The following EXOSC3 variants were observed in gnomAD, a reference collection of about 807,000 sequenced individuals.
The protein encoded by EXOSC3 is exosome component 3, also known as exosome complex component RRP40.
In EXOSC3, 18 loss-of-function variants were observed where a neutral mutation model predicts 25.1. The ratio of observed to expected loss-of-function variants is 0.72; its 90% CI spans 0.50 to 1.06. EXOSC3 has a LOEUF of 1.06. Ranked by LOEUF, EXOSC3 falls within the 50% of genes least tolerant of loss-of-function variation. EXOSC3 has a pLI of 0.00. For missense variants in EXOSC3, 382 were observed against 350.9 expected, an observed-to-expected ratio of 1.09 and a Z score of -0.71; for synonymous variants, 165 against 132.2, an observed-to-expected ratio of 1.25 and a Z score of -1.70.
At position 37,784,903 on chromosome 9, in the gene EXOSC3, C is replaced by T. The variant is rs1201798021; in HGVS notation, c.142G>A (p.Ala48Thr). The change falls in exon 1 of 4, where the codon GCA (alanine) becomes ACA (threonine). Residue 48 changes from alanine (A) to threonine (T), a missense_variant. Coordinates refer to ENST00000327304, the MANE Select transcript of EXOSC3 (RefSeq NM_016042.4). ...EQEDAEGPGG[A>T]VERPLSLNAR... ...TTCAGGCTCAACGGTCGCTCCACTG[C>T]ACCCCCAGGGCCTTCCGCGTCCTCC... is the stretch of plus-strand genomic sequence containing the variant. 1.9e-6 allele frequency: 3 copies of T among 1,607,378 alleles called. No homozygotes were observed. The highest frequency in any genetic ancestry group is 2.2e-5 in the East Asian group (1 of 44,446).
chr9:37,782,578 G>A lies in EXOSC3; in HGVS notation c.475-441C>T, dbSNP rs114951310. On this transcript the variant is annotated intron_variant, in intron 2 of 3. Coordinates refer to ENST00000327304, the MANE Select transcript of EXOSC3 (RefSeq NM_016042.4). ...TTATATTAGGTCGCACTACCCTAGAGAATTACAGATTTACAGAGAAAGGAA... is the reference window on the plus strand; with the variant it reads ...TTATATTAGGTCGCACTACCCTAGAAAATTACAGATTTACAGAGAAAGGAA... Among the ~76,000 whole-genome samples the A allele has an allele frequency of 6.4e-3, 969 of 152,252 alleles. 11 individuals are homozygous for A. Among genetic ancestry groups the A allele is most frequent in the African/African-American group, 0.022 (926 of 41,542 alleles).
chr9:37,781,512 T>C (rs2118976926), intron 3 of EXOSC3, among the ~76,000 whole-genome samples: 1 of 151,910 alleles, frequency 6.6e-6, no homozygotes, highest in Admixed American at 6.6e-5. Context: ...TGAACCTCAG[T>C]ATGCCTCAGT....
chr9:37,785,051 C>T lies in EXOSC3; in HGVS notation c.-7G>A. ...CAGACGCAGGTTCGGCCATCGCGGG[C>T]TCCACCAAACACCGTTTCCGGTACC... On this transcript the variant is annotated 5_prime_UTR_variant, in exon 1 of 4. Transcript: ENST00000327304. 6.3e-7 allele frequency: 1 copy of T among 1,590,914 alleles called. No homozygotes were observed.
At chr9:37,784,306 A>G (rs1589061049) in intron 1 of EXOSC3, 7 of 507,858 alleles carry the variant, frequency 1.4e-5, no homozygotes, top group Admixed American at 7.5e-5. Context: ...GCTTTGTGGC[A>G]TAAGTCCAGT....
At chr9:37,781,785 G>T in intron 3 of EXOSC3, 1 of 597,652 alleles carries the variant, frequency 1.7e-6, no homozygotes, top group Non-Finnish European at 2.9e-6. Flanking sequence ...AAACTACACA[G>T]CCAAACACAT....
chr9:37,781,336 C>A (rs896548736), intron 3 of EXOSC3, among the ~76,000 whole-genome samples: 1 of 150,856 alleles, frequency 6.6e-6, no homozygotes, highest in Non-Finnish European at 1.5e-5. Context: ...TAAAAACATG[C>A]TTCTCTGATG....
rs1564012557 is a variant in EXOSC3, at chr9:37,779,982, G to C, written c.*697C>G. ...ATTTGGATTCAGAAATCCTCATAGT[G>C]TTATTTATATAATGATAAAACTCAA... is the stretch of plus-strand genomic sequence containing the variant. On this transcript the variant is annotated 3_prime_UTR_variant, in exon 4 of 4. Coordinates refer to ENST00000327304, the MANE Select transcript of EXOSC3 (RefSeq NM_016042.4). The C allele has an allele frequency of 2.0e-5, 3 of 152,142 alleles. No homozygotes were observed. The highest frequency in any genetic ancestry group is 2.0e-4 in the Admixed American group (3 of 15,264). The allele number at this position is 152,142 out of a possible 1,614,324, so 9.4% of individuals were successfully genotyped here.
Position 37,784,245 on chromosome 9 carries a change from A to G in EXOSC3, c.325-182T>C, listed in dbSNP as rs1043248532. On this transcript the variant is annotated intron_variant, in intron 1 of 3. Transcript: ENST00000327304. ...GTGTGCAGCTTCTGGTAGTCTGTTA[A>G]TTGAGTCCAAACTCCATTATCTCTT... 4.9e-6 allele frequency: 3 copies of G among 610,466 alleles called. No homozygotes were observed. In the African/African-American group the frequency reaches 5.6e-5, roughly 11 times the overall value. The allele number at this position is 610,466 out of a possible 1,614,324, so 37.8% of individuals were successfully genotyped here. A position where few individuals can be genotyped will look rare whatever the true frequency, so the allele number is the denominator to read the frequency against.
At chr9:37,781,354 T>G (rs1159727045) in intron 3 of EXOSC3, among the ~76,000 whole-genome samples, 1 of 150,614 alleles carries the variant, frequency 6.6e-6, no homozygotes, top group Non-Finnish European at 1.5e-5. Context: ...ATGTCCAAAC[T>G]TAATTCTCCA....
rs752749069 is a variant in EXOSC3 at position 37,785,039 on chromosome 9, G to C, written c.6C>G (p.Ala2=). The change falls in exon 1 of 4, where the codon GCC becomes GCG. Residue 2 remains alanine, a synonymous_variant. Transcript: ENST00000327304. ...ATTCAGCCGCGACAGACGCAGGTTC[G>C]GCCATCGCGGGCTCCACCAAACACC... M[A]EPASVAAESL... is the part of the protein sequence containing the mutation. 6 of 1,594,734 alleles carry C rather than the reference G, an allele frequency of 3.8e-6. No individual in the cohort carries two copies. Among genetic ancestry groups the C allele is most frequent in the South Asian group, 2.2e-5 (2 of 90,152 alleles).
At position 37,780,881 on chromosome 9, in the gene EXOSC3, C is replaced by G. The variant is rs1278797484; in HGVS notation, c.627-1G>C. On this transcript the variant is annotated splice_acceptor_variant, in intron 3 of 3. Coordinates refer to ENST00000327304, the MANE Select transcript of EXOSC3 (RefSeq NM_016042.4). LOFTEE classifies it high-confidence loss of function. ...GATTTCACAATCTGGAGCTAATAGC[C>G]TGGTGGGAAGAGAAAAGAAAATGAA... 6 of 1,612,042 alleles carry G rather than the reference C, an allele frequency of 3.7e-6. No individual in the cohort carries two copies. In the South Asian group the frequency reaches 5.5e-5, roughly 15 times the overall value.
Position 37,782,012 on chromosome 9 carries a change from A to T in EXOSC3, c.600T>A (p.Phe200Leu). Residue 200 changes from phenylalanine to leucine, a missense_variant, in exon 3 of 4, where the codon TTT becomes TTA. Transcript: ENST00000327304. Reference sequence around the variant, plus strand: ...TTCTAATTAAGCCCAGAGTCACTTTAAAAAGCAGACCATCCTGTCCAATGA... The same window carrying T: ...TTCTAATTAAGCCCAGAGTCACTTTTAAAAGCAGACCATCCTGTCCAATGA... ...MGVIGQDGLL[F>L]KVTLGLIRKL... The T allele has an allele frequency of 6.2e-7, 1 of 1,613,938 alleles. No homozygotes were observed. The highest frequency in any genetic ancestry group is 8.5e-7 in the Non-Finnish European group (1 of 1,179,938).
chr9:37,782,227 C>A, intron 2 of EXOSC3, 90 bp from the exon 3 acceptor site: 3 of 1,402,084 alleles, frequency 2.1e-6, no homozygotes, highest in Non-Finnish European at 3.0e-6. Flanking sequence ...ATGCCAGCCA[C>A]CTACAGTTCT....
rs923278307 is a variant in EXOSC3, at chr9:37,784,799, C to G, written c.246G>C (p.Lys82Asn). The G allele has an allele frequency of 4.4e-6, 7 of 1,608,596 alleles. No individual in the cohort carries two copies. Among genetic ancestry groups the G allele is most frequent in the Non-Finnish European group, 5.9e-6 (7 of 1,178,716 alleles). ...RRCGDRLLVT[K>N]CGRLRHKEPG... is the part of the protein sequence containing the mutation. ...GCTCCTTGTGACGGAGGCGGCCGCACTTGGTGACCAGCAGGCGGTCCCCAC... is the reference window on the plus strand; with the variant it reads ...GCTCCTTGTGACGGAGGCGGCCGCAGTTGGTGACCAGCAGGCGGTCCCCAC... The change falls in exon 1 of 4, where the codon AAG becomes AAC. Residue 82 changes from lysine (K) to asparagine (N), a missense_variant. Physicochemically the swap from Lys to Asn is moderately conservative, Grantham distance 94. Coordinates refer to ENST00000327304, the MANE Select transcript of EXOSC3 (RefSeq NM_016042.4).
At position 37,780,460 on chromosome 9, in the gene EXOSC3, T is replaced by A. The variant is rs944659022; in HGVS notation, c.*219A>T. The A allele has an allele frequency of 7.7e-6, 4 of 516,724 alleles. No homozygotes were observed. The highest frequency in any genetic ancestry group is 1.4e-5 in the Non-Finnish European group (4 of 291,002). 32.0% of individuals were successfully genotyped at this position (516,724 alleles called of 1,614,324 possible). ...ACTCCAAATAAACCCTAATACTGTT[T>A]TTTAGTAAACTTTATTGTACCGAAC... On this transcript the variant is annotated 3_prime_UTR_variant, in exon 4 of 4. Transcript: ENST00000327304.
intron 3 of EXOSC3, among the ~76,000 whole-genome samples, chr9:37,781,298 G>A (rs1310383754): frequency 3.3e-5 from 5 of 151,360 alleles, no homozygotes; most frequent in African/African-American, 1.2e-4. Context: ...CATAAGGGTG[G>A]TGCTTGGTTA....
In EXOSC3 at chr9:37,780,630, A is replaced by G; in HGVS notation, c.*49T>C. Reference sequence around the variant, plus strand: ...TTAAATGGGGGAGGTTCACCTGAAAAAACCCATAGTTTTTTGCCTCAACTG... The same window carrying G: ...TTAAATGGGGGAGGTTCACCTGAAAGAACCCATAGTTTTTTGCCTCAACTG... On this transcript the variant is annotated 3_prime_UTR_variant, in exon 4 of 4. Transcript: ENST00000327304. The G allele has an allele frequency of 6.6e-7, 1 of 1,509,098 alleles. No homozygotes were observed. Among genetic ancestry groups the G allele is most frequent in the Non-Finnish European group, 9.2e-7 (1 of 1,091,088 alleles). 93.5% of individuals were successfully genotyped at this position (1,509,098 alleles called of 1,614,324 possible).
intron 3 of EXOSC3, among the ~76,000 whole-genome samples, 168 bp from the exon 4 acceptor site, chr9:37,781,048 C>T (rs1828584425): frequency 6.6e-6 from 1 of 152,138 alleles, no homozygotes; most frequent in Non-Finnish European, 1.5e-5. Flanking sequence ...GAACTTTACA[C>T]TGTTCAAAGG....
intron 3 of EXOSC3, 136 bp downstream of exon 3, chr9:37,781,850 T>C: frequency 1.1e-6 from 1 of 920,886 alleles, no homozygotes; most frequent in Non-Finnish European, 1.6e-6. Flanking sequence ...TTTCCAAATG[T>C]GTTAAAATGG....
Sources: allele counts gnomAD v4.1 joint callset (sites outside exome capture counted in the v4.1 genomes callset), GRCh38; gene constraint gnomAD v4.1.1; transcripts MANE v1.5; gene names NCBI Gene and HGNC (gene_info 2026-07-23, HGNC 2026-07-21).